The following SELENOO variants were observed in gnomAD, a reference collection of about 807,000 sequenced individuals.
SELENOO encodes selenoprotein O, also known as protein adenylyltransferase SelO, mitochondrial.
Under a neutral mutation model 58.7 loss-of-function variants are expected in SELENOO, and 74 were observed. That is an observed-to-expected ratio of 1.26 (90% CI 1.04 to 1.53). The LOEUF is 1.53. Among genes scored for constraint, SELENOO ranks in the 40% most tolerant of loss-of-function variants. The pLI is 0.00. For missense variants in SELENOO, 1,149 were observed against 970.0 expected (o/e 1.18, Z -2.45); for synonymous variants, 543 against 453.2 (o/e 1.20, Z -2.52).
At position 50,217,499 on chromosome 22, in the gene SELENOO, T is replaced by C; in HGVS notation, c.*130T>C. The C allele has an allele frequency of 3.3e-6, 4 of 1,211,870 alleles. No individual in the cohort carries two copies. The highest frequency in any genetic ancestry group is 1.9e-4 in the Middle Eastern group (1 of 5,224). 75.1% of individuals were successfully genotyped at this position (1,211,870 alleles called of 1,614,324 possible). A position where few individuals can be genotyped will look rare whatever the true frequency, so the allele number is the denominator to read the frequency against. The stretch of plus-strand genomic sequence containing the variant: ...TGGCCCATGCACACCCGTCTTTCCA[T>C]GATGGCAGAGACATCCAGTCAGGAC... On this transcript the variant is annotated 3_prime_UTR_variant, in exon 9 of 9. Transcript: ENST00000380903.
intron 5 of SELENOO, among the ~76,000 whole-genome samples, chr22:50,213,971 G>A (rs540687378): frequency 1.1e-4 from 17 of 152,268 alleles, no homozygotes; most frequent in Admixed American, 2.6e-4. Context: ...CCATTATTAA[G>A]TGGTGTGTTT....
intron 1 of SELENOO, among the ~76,000 whole-genome samples, chr22:50,204,500 G>T (rs2064320000): frequency 2.0e-5 from 3 of 152,120 alleles, no homozygotes; most frequent in Admixed American, 6.5e-5. Flanking sequence ...GGTGGAGCGT[G>T]CCTGTGATCC....
chr22:50,216,937 C>G, intron 7 of SELENOO, 35 bp from the exon 8 acceptor site: 1 of 1,603,864 alleles, frequency 6.2e-7, no homozygotes. Context: ...AAAGTCCAGC[C>G]CGGCTGTGAC....
At chr22:50,207,343 C>G (rs1296689477) in intron 2 of SELENOO, among the ~76,000 whole-genome samples, 1 of 152,072 alleles carries the variant, frequency 6.6e-6, no homozygotes, top group Non-Finnish European at 1.5e-5. Flanking sequence ...AGGCTGGTCT[C>G]GAACTCCTGA....
Position 50,210,801 on chromosome 22 carries a change from T to C in SELENOO, c.1241T>C (p.Phe414Ser). 1 of 1,613,962 alleles carries C rather than the reference T, an allele frequency of 6.2e-7. No homozygotes were observed. The highest frequency in any genetic ancestry group is 8.5e-7 in the Non-Finnish European group (1 of 1,180,024). Reference protein sequence around the residue: ...AILAEEFDAEFQRHYLQKMRR... With the variant: ...AILAEEFDAESQRHYLQKMRR... ...CTGGCCGAGGAGTTTGACGCCGAGT[T>C]CCAAAGGCACTACCTGCAGAAGATG... The change falls in exon 5 of 9, where the codon TTC (phenylalanine) becomes TCC (serine). Residue 414 changes from phenylalanine to serine, a missense_variant. Phe to Ser is a radical substitution (Grantham distance 155, BLOSUM62 -2). Coordinates refer to ENST00000380903, the MANE Select transcript of SELENOO (RefSeq NM_031454.2).
intron 1 of SELENOO, among the ~76,000 whole-genome samples, chr22:50,202,035 TG>T (rs779396335): frequency 6.6e-6 from 1 of 151,914 alleles, no homozygotes; most frequent in South Asian, 2.1e-4. Flanking sequence ...TAGATTTCTG[TG>T]GGGGGGCACA....
In SELENOO at chr22:50,201,026, CG is replaced by C; in HGVS notation, c.-7del. 2 of 1,248,548 alleles carry C rather than the reference CG, an allele frequency of 1.6e-6. No individual in the cohort carries two copies. The highest frequency in any genetic ancestry group is 3.3e-5 in the East Asian group (1 of 30,672). The allele number at this position is 1,248,548 out of a possible 1,614,324, so 77.3% of individuals were successfully genotyped here. A position where few individuals can be genotyped will look rare whatever the true frequency, so the allele number is the denominator to read the frequency against. On this transcript the variant is annotated 5_prime_UTR_variant, in exon 1 of 9. Transcript: ENST00000380903. ...GGGGCAGGCTGGCTTCCGGCGGGAG[CG>C]GGGCCGCGGATGGCCGTATACAGGG...
chr22:50,214,937 T>A (rs1160438324), intron 5 of SELENOO, among the ~76,000 whole-genome samples: 1 of 152,238 alleles, frequency 6.6e-6, no homozygotes, highest in Non-Finnish European at 1.5e-5. Context: ...TTTGCCAATC[T>A]GCCTTTTGTT....
At chr22:50,212,971 C>T (rs976695204) in intron 5 of SELENOO, among the ~76,000 whole-genome samples, 2 of 152,254 alleles carry the variant, frequency 1.3e-5, no homozygotes, top group Non-Finnish European at 2.9e-5. Flanking sequence ...GTTGAGGTAA[C>T]TGATTGGAGA....
At chr22:50,210,126 T>C in intron 3 of SELENOO, 55 bp from the exon 4 acceptor site, 3 of 1,575,864 alleles carry the variant, frequency 1.9e-6, no homozygotes, top group Non-Finnish European at 2.6e-6. Flanking sequence ...TGGACACGAG[T>C]GGGGAGGTCT....
chr22:50,202,225 C>T (rs2064307521), intron 1 of SELENOO, among the ~76,000 whole-genome samples: 1 of 77,356 alleles, frequency 1.3e-5, no homozygotes, highest in Non-Finnish European at 2.8e-5. Context: ...GGAAAGTGTA[C>T]ATTTTATGTT....
chr22:50,214,756 C>T (rs2064394234), intron 5 of SELENOO, among the ~76,000 whole-genome samples: 1 of 152,244 alleles, frequency 6.6e-6, no homozygotes, highest in Non-Finnish European at 1.5e-5. Context: ...CAGAGCAAGA[C>T]TCCGTCTCAA....
chr22:50,216,939 G>A (rs758211176), intron 7 of SELENOO, 33 bp from the exon 8 acceptor site: 56 of 1,604,050 alleles, frequency 3.5e-5, no homozygotes, highest in East Asian at 4.5e-5. Context: ...AGTCCAGCCC[G>A]GCTGTGACTC....
At chr22:50,213,748 C>T (rs1035521409) in intron 5 of SELENOO, among the ~76,000 whole-genome samples, 11 of 151,974 alleles carry the variant, frequency 7.2e-5, no homozygotes, top group East Asian at 2.0e-4. Flanking sequence ...CCCAGGTTCA[C>T]GGCATTTTCC....
intron 5 of SELENOO, among the ~76,000 whole-genome samples, chr22:50,213,383 T>C (rs2064385184): frequency 6.6e-6 from 1 of 152,250 alleles, no homozygotes; most frequent in African/African-American, 2.4e-5. Context: ...AAGTGATTTC[T>C]AGCTTCATTC....
intron 2 of SELENOO, 32 bp from the exon 3 acceptor site, chr22:50,208,504 T>G (rs2064346982): frequency 6.2e-7 from 1 of 1,602,936 alleles, no homozygotes; most frequent in South Asian, 1.1e-5. Flanking sequence ...GGGTCAGGTT[T>G]GGGCTGTTGA....
At chr22:50,208,279 A>G (rs2064345243) in intron 2 of SELENOO, among the ~76,000 whole-genome samples, 2 of 152,018 alleles carry the variant, frequency 1.3e-5, no homozygotes, top group African/African-American at 4.8e-5. Flanking sequence ...AAAATACAAA[A>G]ATTAGCTGGG....
intron 7 of SELENOO, 45 bp from the exon 8 acceptor site, chr22:50,216,927 A>T (rs951007634): frequency 1.2e-6 from 2 of 1,602,840 alleles, no homozygotes; most frequent in African/African-American, 2.7e-5. Flanking sequence ...CGTGCTGGAA[A>T]AAGTCCAGCC....
chr22:50,206,280 G>T, intron 1 of SELENOO, 37 bp from the exon 2 acceptor site: 1 of 1,592,898 alleles, frequency 6.3e-7, no homozygotes, highest in Non-Finnish European at 8.6e-7. Context: ...GTGACCTCCT[G>T]ACCGGCCCAC....
Sources: gnomAD v4.1 joint callset for allele counts (sites outside exome capture counted in the v4.1 genomes callset) on GRCh38, gnomAD v4.1.1 for gene constraint, MANE v1.5 for transcripts, NCBI Gene and HGNC (gene_info 2026-07-23, HGNC 2026-07-21) for gene names.